The following LRP1B variants were observed in gnomAD, a reference collection of about 807,000 sequenced individuals.
LRP1B encodes low-density lipoprotein receptor-related protein 1B.
Under a neutral mutation model 556.6 loss-of-function variants are expected in LRP1B, and 217 were observed. The ratio of observed to expected loss-of-function variants is 0.39; its 90% CI spans 0.35 to 0.44. The LOEUF is 0.44. Among genes scored for constraint, LRP1B ranks in the 20% least tolerant of loss-of-function variants. The pLI, the probability that LRP1B is intolerant of heterozygous loss-of-function variation, is 1.00. For missense variants in LRP1B, 5,053 were observed against 5,620.8 expected (o/e 0.90, Z 3.23); for synonymous variants, 2,047 against 1,865.8 (o/e 1.10, Z -2.50).
intron 57 of LRP1B, among the ~76,000 whole-genome samples, chr2:140,488,687 A>G (rs1273125467): frequency 6.6e-6 from 1 of 152,058 alleles, no homozygotes; most frequent in Non-Finnish European, 1.5e-5. Flanking sequence ...TCTATTGATT[A>G]GAAAATAATG....
At chr2:141,988,151 T>C (rs1253237050) in intron 1 of LRP1B, among the ~76,000 whole-genome samples, 2 of 151,842 alleles carry the variant, frequency 1.3e-5, no homozygotes, top group Non-Finnish European at 2.9e-5. Flanking sequence ...GTATCAGGCA[T>C]GATATATAAT....
intron 87 of LRP1B, among the ~76,000 whole-genome samples, chr2:140,240,406 G>T (rs1004095657): frequency 6.6e-6 from 1 of 150,646 alleles, no homozygotes; most frequent in African/African-American, 2.4e-5. Flanking sequence ...AAATGGAGGA[G>T]ACTTGGTTTT....
chr2:141,966,276 T>G (rs144495309), intron 1 of LRP1B, among the ~76,000 whole-genome samples: 1 of 151,962 alleles, frequency 6.6e-6, no homozygotes, highest in East Asian at 2.0e-4. Flanking sequence ...AGGAAACAGA[T>G]AGTGAACAAA....
At chr2:140,328,013 C>CAACT (rs1192181971) in intron 79 of LRP1B, among the ~76,000 whole-genome samples, 2 of 151,792 alleles carry the variant, frequency 1.3e-5, no homozygotes, top group Non-Finnish European at 2.9e-5. Flanking sequence ...ATAAAGGAAT[C>CAACT]AACTAACTTT....
chr2:140,767,459 C>G (rs1027478326), intron 35 of LRP1B, among the ~76,000 whole-genome samples: 1 of 151,844 alleles, frequency 6.6e-6, no homozygotes, highest in African/African-American at 2.4e-5. Flanking sequence ...GTCCTATTCT[C>G]TGCAAATAAA....
At chr2:140,759,170 G>GATT (rs1261370116) in intron 35 of LRP1B, among the ~76,000 whole-genome samples, 1 of 151,880 alleles carries the variant, frequency 6.6e-6, no homozygotes, top group Non-Finnish European at 1.5e-5. Flanking sequence ...TGAGAAAATA[G>GATT]ATTTTTTTTT....
intron 2 of LRP1B, among the ~76,000 whole-genome samples, chr2:141,488,304 T>C (rs1463326320): frequency 6.6e-6 from 1 of 152,168 alleles, no homozygotes; most frequent in Non-Finnish European, 1.5e-5. Flanking sequence ...TCACCAAATT[T>C]GATATGTAAA....
rs142226290 is a variant in LRP1B at position 141,157,255 on chromosome 2, G to T, written c.1013+31166C>A. Among the ~76,000 whole-genome samples, 189 of 152,084 alleles carry T rather than the reference G, an allele frequency of 1.2e-3. 1 individual carries two copies. The highest frequency in any genetic ancestry group is 4.4e-3 in the African/African-American group (183 of 41,532). On this transcript the variant is annotated intron_variant, in intron 7 of 90. Transcript: ENST00000389484. ...TGCTTCCATATAAATCCATGTGATA[G>T]ATATTAATAACATATGAACAGGTTT...
At chr2:140,581,442 C>T (rs572975336) in intron 43 of LRP1B, among the ~76,000 whole-genome samples, 1 of 152,192 alleles carries the variant, frequency 6.6e-6, no homozygotes, top group South Asian at 2.1e-4. Flanking sequence ...GGATCGCATA[C>T]CTAATAGAGA....
chr2:141,144,201 T>G (rs903970321), intron 7 of LRP1B, among the ~76,000 whole-genome samples: 1 of 152,204 alleles, frequency 6.6e-6, no homozygotes, highest in Admixed American at 6.5e-5. Flanking sequence ...GTTAATAGTA[T>G]TTTAGACTTG....
chr2:141,779,894 T>G (rs1195090402), intron 2 of LRP1B, among the ~76,000 whole-genome samples: 4 of 151,848 alleles, frequency 2.6e-5, no homozygotes, highest in Non-Finnish European at 4.4e-5. Flanking sequence ...AGTCTATTAT[T>G]TACCTAAATT....
chr2:140,533,981 A>C (rs1317214846), intron 47 of LRP1B, 40 bp downstream of exon 47: 2 of 1,609,518 alleles, frequency 1.2e-6, no homozygotes, highest in East Asian at 4.5e-5. Context: ...GGAAACACTT[A>C]GCACACCAAT....
chr2:141,843,297 G>A (rs545755307), intron 1 of LRP1B, among the ~76,000 whole-genome samples: 1 of 152,144 alleles, frequency 6.6e-6, no homozygotes, highest in Non-Finnish European at 1.5e-5. Flanking sequence ...ACATTGGGAA[G>A]TTAGGGGTTG....
At chr2:141,422,911 T>C (rs557439081) in intron 3 of LRP1B, among the ~76,000 whole-genome samples, 1 of 152,288 alleles carries the variant, frequency 6.6e-6, no homozygotes, top group South Asian at 2.1e-4. Context: ...AGTCAAGATA[T>C]GAAGTAAGAG....
At chr2:141,758,958 T>G (rs1262510448) in intron 2 of LRP1B, among the ~76,000 whole-genome samples, 3 of 152,124 alleles carry the variant, frequency 2.0e-5, no homozygotes, top group African/African-American at 7.2e-5. Context: ...ATAGTAAGAT[T>G]TAAGACAATC....
chr2:142,130,453 C>T (rs1011869662), intron 1 of LRP1B, among the ~76,000 whole-genome samples, 195 bp downstream of exon 1: 1 of 152,198 alleles, frequency 6.6e-6, no homozygotes, highest in East Asian at 1.9e-4. Flanking sequence ...GTGGGGGTGC[C>T]GAGGACTCAG....
chr2:140,706,066 G>C (rs1001739418), intron 37 of LRP1B, among the ~76,000 whole-genome samples: 2 of 152,024 alleles, frequency 1.3e-5, no homozygotes, highest in Non-Finnish European at 2.9e-5. Context: ...TGTAATTTAA[G>C]GTAATAACTT....
chr2:141,055,045 C>T (rs1222041159), intron 10 of LRP1B, 71 bp downstream of exon 10: 2 of 1,540,086 alleles, frequency 1.3e-6, no homozygotes, highest in African/African-American at 1.4e-5. Context: ...GATGTTGATG[C>T]TGCTAATTAA....
rs1680521832 is a variant in LRP1B, at chr2:140,232,684, G to A, written c.*502C>T. ...AGCAGGTGATGCTGAACTTGTGAGAGCTATATATTTTCAGCAGAGTCTGAA... is the reference window on the plus strand; with the variant it reads ...AGCAGGTGATGCTGAACTTGTGAGAACTATATATTTTCAGCAGAGTCTGAA... On this transcript the variant is annotated 3_prime_UTR_variant, in exon 91 of 91. Transcript: ENST00000389484. 6.6e-6 allele frequency: 1 copy of A among 151,740 alleles called. No individual in the cohort carries two copies. Among genetic ancestry groups the A allele is most frequent in the African/African-American group, 2.4e-5 (1 of 41,322 alleles). 9.4% of individuals were successfully genotyped at this position (151,740 alleles called of 1,614,324 possible). A position where few individuals can be genotyped will look rare whatever the true frequency, so the allele number is the denominator to read the frequency against.
Sources: allele counts gnomAD v4.1 joint callset (sites outside exome capture counted in the v4.1 genomes callset), GRCh38; gene constraint gnomAD v4.1.1; transcripts MANE v1.5; gene names NCBI Gene and HGNC (gene_info 2026-07-23, HGNC 2026-07-21).